The following LGR6 variants were observed in gnomAD, a reference collection of about 807,000 sequenced individuals.
The protein encoded by LGR6 is leucine rich repeat containing G protein-coupled receptor 6.
A neutral mutation model predicts 69.4 loss-of-function variants in LGR6; 45 were observed. The observed-to-expected ratio is 0.65, with a 90% CI of 0.51 to 0.83. The LOEUF is 0.83. Among genes scored for constraint, LGR6 ranks in the 40% least tolerant of loss-of-function variants. The pLI is 0.00. For synonymous variants in LGR6, 538 were observed against 555.0 expected (o/e 0.97, Z 0.43); for missense variants, 1,108 against 1,246.7 (o/e 0.89, Z 1.68).
In LGR6 at chr1:202,276,390, C is replaced by G. The variant is rs201941100; in HGVS notation, c.513C>G (p.Asp171Glu). ...LSSLRHLWLDDNALTEIPVRA... is the reference protein window; with the variant it reads ...LSSLRHLWLDENALTEIPVRA... The stretch of plus-strand genomic sequence containing the variant: ...CCCTCCGCCACCTCTGGCTGGACGA[C>G]AATGCACTCACGGAGATCCCTGTCA... Residue 171 changes from aspartate to glutamate, a missense_variant, in exon 5 of 18, where the codon GAC (aspartate) becomes GAG (glutamate). Transcript: ENST00000367278. 8.7e-6 allele frequency: 14 copies of G among 1,614,080 alleles called. No individual in the cohort carries two copies. The highest frequency in any genetic ancestry group is 1.2e-5 in the Non-Finnish European group (14 of 1,180,024).
At chr1:202,300,121 C>T (rs890428557) in intron 7 of LGR6, among the ~76,000 whole-genome samples, 1 of 152,228 alleles carries the variant, frequency 6.6e-6, no homozygotes, top group African/African-American at 2.4e-5. Flanking sequence ...CACTTGGGAT[C>T]CCCTGGAAGC....
intron 4 of LGR6, among the ~76,000 whole-genome samples, chr1:202,252,435 A>G (rs1663344394): frequency 6.6e-6 from 1 of 152,080 alleles, no homozygotes; most frequent in South Asian, 2.1e-4. Flanking sequence ...CTTTATAATT[A>G]TTTCTTGTCT....
At chr1:202,290,005 C>T (rs1666677509) in intron 6 of LGR6, among the ~76,000 whole-genome samples, 1 of 152,178 alleles carries the variant, frequency 6.6e-6, no homozygotes, top group Non-Finnish European at 1.5e-5. Context: ...ATTCATCTTT[C>T]TTAATTGCTA....
rs538535040 is a variant in LGR6 at position 202,225,225 on chromosome 1, G to A, written c.213-198G>A. On this transcript the variant is annotated intron_variant, in intron 1 of 17. Coordinates refer to ENST00000367278, the MANE Select transcript of LGR6 (RefSeq NM_001017403.2). ...TAGAGAGAATCACCAAATGACCCGG[G>A]AGGCCTGACTCCCAGCTCAGTTCTT... 3.0e-5 allele frequency: 16 copies of A among 541,966 alleles called. 1 individual carries two copies. Among genetic ancestry groups the A allele is most frequent in the Non-Finnish European group, 3.0e-5 (9 of 296,778 alleles). 33.6% of individuals were successfully genotyped at this position (541,966 alleles called of 1,614,324 possible).
At chr1:202,301,136 A>G (rs185185831) in intron 8 of LGR6, 28 bp from the exon 9 acceptor site, 205 of 1,609,216 alleles carry the variant, frequency 1.3e-4, no homozygotes, top group South Asian at 4.5e-4. Context: ...GAAAAACCCA[A>G]TTAGGTGTTT....
intron 3 of LGR6, 30 bp downstream of exon 3, chr1:202,228,037 G>C (rs746728379): frequency 6.7e-7 from 1 of 1,485,116 alleles, no homozygotes; most frequent in South Asian, 1.1e-5. Context: ...ATTTTACATA[G>C]AGCTGCAGCA....
intron 1 of LGR6, among the ~76,000 whole-genome samples, chr1:202,218,754 C>G (rs1247095727): frequency 6.6e-6 from 1 of 152,178 alleles, no homozygotes; most frequent in Non-Finnish European, 1.5e-5. Flanking sequence ...GCCCGGGAAG[C>G]CTTCTCTGCT....
rs970178268 is a variant in LGR6 at position 202,280,800 on chromosome 1, A to G, written c.664A>G (p.Ile222Val). The G allele has an allele frequency of 1.2e-6, 2 of 1,614,092 alleles. No homozygotes were observed. Among genetic ancestry groups the G allele is most frequent in the Admixed American group, 3.3e-5 (2 of 60,014 alleles). The change falls in exon 6 of 18, where the codon ATC becomes GTC. Residue 222 changes from isoleucine to valine, a missense_variant. Ile to Val is a conservative substitution (Grantham distance 29, BLOSUM62 3). Coordinates refer to ENST00000367278, the MANE Select transcript of LGR6 (RefSeq NM_001017403.2). ...LVVLHLHNNR[I>V]QHLGTHSFEG... ...GTGCAGGCATTTGCATAACAACCGC[A>G]TCCAGCATCTGGGGACCCACAGCTT...
intron 1 of LGR6, among the ~76,000 whole-genome samples, chr1:202,207,631 G>A (rs992161619): frequency 3.3e-5 from 5 of 152,172 alleles, no homozygotes; most frequent in African/African-American, 1.2e-4. Context: ...GAGTGGGTAA[G>A]TGCACAAACC....
intron 3 of LGR6, among the ~76,000 whole-genome samples, chr1:202,234,659 G>A (rs1406205008): frequency 2.0e-5 from 3 of 152,188 alleles, no homozygotes; most frequent in Admixed American, 6.5e-5. Context: ...CTCAGCATGA[G>A]GATGATAATA....
chr1:202,203,693 A>G, intron 1 of LGR6: 1 of 920,808 alleles, frequency 1.1e-6, no homozygotes, highest in Non-Finnish European at 1.7e-6. Flanking sequence ...AAATACACCC[A>G]GGCAGGGCCA....
At chr1:202,270,246 T>TG (rs1450481009) in intron 4 of LGR6, among the ~76,000 whole-genome samples, 2 of 148,594 alleles carry the variant, frequency 1.3e-5, no homozygotes, top group Non-Finnish European at 3.0e-5. Context: ...TTTTTGCTTT[T>TG]GTTTTTTTTT....
At chr1:202,204,699 AC>A (rs1571806795) in intron 1 of LGR6, among the ~76,000 whole-genome samples, 1 of 13,424 alleles carries the variant, frequency 7.4e-5, no homozygotes. Flanking sequence ...ACCCCCAAAC[AC>A]ACACACACAC....
intron 15 of LGR6, 84 bp from the exon 16 acceptor site, chr1:202,310,113 G>C: frequency 7.1e-7 from 1 of 1,407,916 alleles, no homozygotes; most frequent in Non-Finnish European, 9.8e-7. Context: ...CCCAGCCCCT[G>C]GGTTGCAGAT....
chr1:202,280,581 G>A (rs1239332255), intron 5 of LGR6, among the ~76,000 whole-genome samples, 200 bp from the exon 6 acceptor site: 1 of 152,114 alleles, frequency 6.6e-6, no homozygotes, highest in Non-Finnish European at 1.5e-5. Flanking sequence ...GGTAGCCTGT[G>A]GTCAATCCAG....
chr1:202,281,348 G>A (rs1199705176), intron 6 of LGR6, among the ~76,000 whole-genome samples: 2 of 152,160 alleles, frequency 1.3e-5, no homozygotes, highest in Non-Finnish European at 2.9e-5. Flanking sequence ...TGATTAATGG[G>A]GAGATGGCCC....
chr1:202,218,576 GGAA>G (rs1303613375), intron 1 of LGR6, among the ~76,000 whole-genome samples: 2 of 152,178 alleles, frequency 1.3e-5, no homozygotes, highest in East Asian at 3.9e-4. Flanking sequence ...GCAAGGCCAG[GGAA>G]GCAAAAAGCT....
intron 4 of LGR6, among the ~76,000 whole-genome samples, chr1:202,266,717 A>G (rs1664693340): frequency 6.6e-6 from 1 of 151,832 alleles, no homozygotes; most frequent in South Asian, 2.1e-4. Flanking sequence ...AATGCTCATT[A>G]CCCTCATCCA....
intron 4 of LGR6, 135 bp from the exon 5 acceptor site, chr1:202,276,171 A>G (rs746355299): frequency 7.6e-5 from 51 of 667,624 alleles, no homozygotes; most frequent in Non-Finnish European, 1.3e-4. Context: ...TACAGGATAC[A>G]TGGTGGCCAA....
Sources: allele counts gnomAD v4.1 joint callset (sites outside exome capture counted in the v4.1 genomes callset), GRCh38; gene constraint gnomAD v4.1.1; transcripts MANE v1.5; gene names NCBI Gene and HGNC (gene_info 2026-07-23, HGNC 2026-07-21).